The following HMGCLL1 variants were observed in gnomAD, a reference collection of about 807,000 sequenced individuals.
HMGCLL1 encodes 3-hydroxy-3-methylglutaryl-CoA lyase like 1.
A neutral mutation model predicts 39.1 loss-of-function variants in HMGCLL1; 36 were observed. The observed-to-expected ratio is 0.92, with a 90% CI of 0.71 to 1.22. The LOEUF is 1.22. HMGCLL1 is among the 50% of genes most tolerant of loss of function. HMGCLL1 has a pLI of 0.00. For missense variants in HMGCLL1, 451 were observed against 416.5 expected (o/e 1.08, Z -0.72); for synonymous variants, 149 against 144.0 (o/e 1.03, Z -0.25).
chr6:55,456,429 G>C (rs138328277), intron 7 of HMGCLL1, among the ~76,000 whole-genome samples: 5 of 152,226 alleles, frequency 3.3e-5, no homozygotes, highest in African/African-American at 9.6e-5. Context: ...CATAAACATG[G>C]GGTATGCAGG....
intron 1 of HMGCLL1, among the ~76,000 whole-genome samples, chr6:55,549,400 G>GTGTGTGTGTGTGTGTGTGTT (rs1337097352): frequency 1.3e-5 from 2 of 151,520 alleles, no homozygotes; most frequent in Non-Finnish European, 2.9e-5. Context: ...GTGTGTGTGT[G>GTGTGTGTGTGTGTGTGTGTT]TGTGTGTCTG....
intron 7 of HMGCLL1, among the ~76,000 whole-genome samples, chr6:55,441,160 G>A (rs903323469): frequency 2.0e-5 from 3 of 152,110 alleles, no homozygotes; most frequent in Non-Finnish European, 4.4e-5. Context: ...GTGGGGGTCA[G>A]TGGATTAAAA....
chr6:55,483,747 C>T (rs764804575), intron 7 of HMGCLL1, among the ~76,000 whole-genome samples: 2 of 152,180 alleles, frequency 1.3e-5, no homozygotes, highest in Non-Finnish European at 1.5e-5. Context: ...CATTGGACAA[C>T]TTCCCTAACC....
At chr6:55,497,284 C>A (rs968168442) in intron 6 of HMGCLL1, among the ~76,000 whole-genome samples, 1 of 151,658 alleles carries the variant, frequency 6.6e-6, no homozygotes, top group Admixed American at 6.6e-5. Flanking sequence ...AAAACACCTT[C>A]TTTTAGCATA....
At chr6:55,510,492 G>C (rs2127433998) in intron 5 of HMGCLL1, among the ~76,000 whole-genome samples, 1 of 150,886 alleles carries the variant, frequency 6.6e-6, no homozygotes, top group East Asian at 2.0e-4. Context: ...TCCTTTGTAG[G>C]GACATGGATG....
Position 55,545,635 on chromosome 6 carries a change from T to C in HMGCLL1, c.109-3495A>G, listed in dbSNP as rs1036210823. Among the ~76,000 whole-genome samples, 8 of 152,066 alleles carry C rather than the reference T, an allele frequency of 5.3e-5. No individual in the cohort carries two copies. The East Asian group carries it at 9.6e-4, about 18-fold the overall frequency. The stretch of plus-strand genomic sequence containing the variant: ...GGTCCAATTATATATAAGTGTAAGA[T>C]AGAAGGTAAGGAACAGCATGTACTG... On this transcript the variant is annotated intron_variant, in intron 1 of 8. Transcript: ENST00000274901.
chr6:55,554,123 AATACAGGGGGC>A (rs1242484622), intron 1 of HMGCLL1, among the ~76,000 whole-genome samples: 5 of 152,206 alleles, frequency 3.3e-5, no homozygotes, highest in Non-Finnish European at 7.3e-5. Flanking sequence ...GCCATAAGTG[AATACAGGGGGC>A]ACAGCTAGTT....
chr6:55,591,031 CT>C, the HMGCLL1 span, among the ~76,000 whole-genome samples: 3 of 151,966 alleles, frequency 2.0e-5, no homozygotes, highest in South Asian at 2.1e-4. Context: ...TTTGCTCTTT[CT>C]TTTTCATCTC....
At chr6:55,606,411 G>C in the HMGCLL1 span, among the ~76,000 whole-genome samples, 1 of 152,116 alleles carries the variant, frequency 6.6e-6, no homozygotes, top group Non-Finnish European at 1.5e-5. Context: ...AGAACTGTGA[G>C]TTTTCATAAT....
chr6:55,615,999 G>T, the HMGCLL1 span, among the ~76,000 whole-genome samples: 1 of 151,832 alleles, frequency 6.6e-6, no homozygotes, highest in Non-Finnish European at 1.5e-5. Flanking sequence ...TTTATTCCTG[G>T]GTAAAATTTC....
chr6:55,481,739 G>C lies in HMGCLL1; in HGVS notation c.795+13680C>G, dbSNP rs573414512. 1.7e-4 allele frequency among the ~76,000 whole-genome samples: 26 copies of C among 151,884 alleles called. 1 individual carries two copies. Among genetic ancestry groups the C allele is most frequent in the African/African-American group, 6.0e-4 (25 of 41,434 alleles). ...TAAAATTAAAATTCACAATAAAACAGAATTTCAATATGAATTTTCACAATT... is the reference window on the plus strand; with the variant it reads ...TAAAATTAAAATTCACAATAAAACACAATTTCAATATGAATTTTCACAATT... On this transcript the variant is annotated intron_variant, in intron 7 of 8. Coordinates refer to ENST00000274901, the MANE Select transcript of HMGCLL1 (RefSeq NM_001042406.2).
rs749239890 is a variant in HMGCLL1, at chr6:55,514,132, T to C, written c.458A>G (p.Asn153Ser). ...GAASESFSKKNINCSIEESMG... is the reference protein window; with the variant it reads ...GAASESFSKKSINCSIEESMG... ...ACTTTCTTCAATGGAACAGTTAATA[T>C]TCTTCTTGCTAAAGGATTCAGATGC... The change falls in exon 5 of 9, where the codon AAT becomes AGT. Residue 153 changes from asparagine (N) to serine (S), a missense_variant. Asn to Ser is a conservative substitution (Grantham distance 46, BLOSUM62 1). Transcript: ENST00000274901. 1.2e-6 allele frequency: 2 copies of C among 1,612,910 alleles called. No individual in the cohort carries two copies. Among genetic ancestry groups the C allele is most frequent in the African/African-American group, 1.3e-5 (1 of 74,994 alleles).
intron 7 of HMGCLL1, among the ~76,000 whole-genome samples, chr6:55,440,767 G>T (rs1006234948): frequency 2.6e-5 from 4 of 152,106 alleles, no homozygotes; most frequent in Admixed American, 6.6e-5. Context: ...GACTCAGAAG[G>T]TCTGGGCTGC....
At chr6:55,436,964 A>G (rs983887939) in intron 8 of HMGCLL1, among the ~76,000 whole-genome samples, 2 of 152,006 alleles carry the variant, frequency 1.3e-5, no homozygotes, top group African/African-American at 4.8e-5. Context: ...CCTTAATCCA[A>G]TGATACTTAA....
the HMGCLL1 span, among the ~76,000 whole-genome samples, chr6:55,595,023 T>C: frequency 2.0e-5 from 3 of 152,208 alleles, no homozygotes; most frequent in African/African-American, 7.2e-5. Flanking sequence ...TATTTTTCCG[T>C]ACAATATTTC....
the HMGCLL1 span, among the ~76,000 whole-genome samples, chr6:55,642,931 G>A: frequency 6.6e-6 from 1 of 151,950 alleles, no homozygotes; most frequent in Non-Finnish European, 1.5e-5. Flanking sequence ...TAAGGATAAT[G>A]GCCTCCAGCT....
chr6:55,588,214 G>A, the HMGCLL1 span, among the ~76,000 whole-genome samples: 51 of 151,954 alleles, frequency 3.4e-4, no homozygotes, highest in South Asian at 4.4e-3. Flanking sequence ...CTCTCAGACC[G>A]CAGTGCAATC....
At chr6:55,674,636 G>A in the HMGCLL1 span, among the ~76,000 whole-genome samples, 3 of 152,034 alleles carry the variant, frequency 2.0e-5, no homozygotes, top group East Asian at 3.9e-4. Flanking sequence ...ATGAGTCTAC[G>A]CTTCCTAATT....
chr6:55,490,540 T>C (rs932524976), intron 7 of HMGCLL1, among the ~76,000 whole-genome samples: 8 of 151,930 alleles, frequency 5.3e-5, no homozygotes, highest in Non-Finnish European at 1.2e-4. Context: ...GCAGGGTGGG[T>C]TTAGACATGT....
Sources: gnomAD v4.1 joint callset for allele counts (sites outside exome capture counted in the v4.1 genomes callset) on GRCh38, gnomAD v4.1.1 for gene constraint, MANE v1.5 for transcripts, NCBI Gene and HGNC (gene_info 2026-07-23, HGNC 2026-07-21) for gene names.